PTPRR: variants seen among roughly 807,000 people sequenced by gnomAD.
PTPRR encodes the protein protein tyrosine phosphatase receptor type R, also known as receptor-type tyrosine-protein phosphatase R.
Under a neutral mutation model 77.2 loss-of-function variants are expected in PTPRR, and 38 were observed. That is an observed-to-expected ratio of 0.49 (90% confidence interval 0.38 to 0.65). The LOEUF is 0.65. PTPRR is among the 30% of genes least tolerant of loss of function. The pLI, the probability that PTPRR is intolerant of heterozygous loss-of-function variation, is 0.00. For synonymous variants in PTPRR, 299 were observed against 283.1 expected, an observed-to-expected ratio of 1.06 and a Z score of -0.57; for missense variants, 744 against 799.2, an observed-to-expected ratio of 0.93 and a Z score of 0.83.
chr12:70,639,351 C>T, intron 13 of PTPRR, 74 bp from the exon 14 acceptor site: 1 of 1,529,878 alleles, frequency 6.5e-7, no homozygotes, highest in East Asian at 2.3e-5. Context: ...AGATTTCATC[C>T]AAGCTAGGGT....
intron 8 of PTPRR, among the ~76,000 whole-genome samples, chr12:70,692,658 A>T (rs1166465186): frequency 6.6e-6 from 1 of 152,142 alleles, no homozygotes. Context: ...TGCAGATTTT[A>T]TGCTTTTGCA....
chr12:70,822,890 A>C (rs1892041427), intron 2 of PTPRR, among the ~76,000 whole-genome samples: 1 of 152,236 alleles, frequency 6.6e-6, no homozygotes, highest in South Asian at 2.1e-4. Context: ...TTAAGGTCAT[A>C]GGGCATAATC....
intron 2 of PTPRR, among the ~76,000 whole-genome samples, chr12:70,780,001 T>G: frequency 6.6e-6 from 1 of 152,082 alleles, no homozygotes; most frequent in Non-Finnish European, 1.5e-5. Flanking sequence ...AACTCACTTT[T>G]TTTTTTTTTA....
intron 1 of PTPRR, among the ~76,000 whole-genome samples, chr12:70,912,175 C>T (rs948432479): frequency 8.5e-5 from 13 of 152,220 alleles, no homozygotes; most frequent in African/African-American, 2.4e-4. Context: ...AACTAACTCA[C>T]TATGATATTA....
chr12:70,639,300 T>C, intron 13 of PTPRR, 23 bp from the exon 14 acceptor site: 6 of 1,607,440 alleles, frequency 3.7e-6, no homozygotes, highest in Non-Finnish European at 5.1e-6. Context: ...AATCATAAAA[T>C]AACTGATTTT....
chr12:70,847,117 C>T (rs1892498291), intron 2 of PTPRR, among the ~76,000 whole-genome samples: 1 of 152,176 alleles, frequency 6.6e-6, no homozygotes, highest in Non-Finnish European at 1.5e-5. Context: ...GACACGAGAA[C>T]TTGGATGTTA....
At chr12:70,642,381 C>A (rs2136638193) in intron 13 of PTPRR, among the ~76,000 whole-genome samples, 1 of 152,300 alleles carries the variant, frequency 6.6e-6, no homozygotes, top group East Asian at 1.9e-4. Context: ...TACTGGATCA[C>A]TATCTATCGT....
chr12:70,750,478 A>G (rs1890356154), intron 5 of PTPRR, among the ~76,000 whole-genome samples: 1 of 152,208 alleles, frequency 6.6e-6, no homozygotes, highest in African/African-American at 2.4e-5. Flanking sequence ...TACAAGTATC[A>G]CTGAGAAATG....
chr12:70,835,610 T>A (rs537290125), intron 2 of PTPRR, among the ~76,000 whole-genome samples: 1 of 152,174 alleles, frequency 6.6e-6, no homozygotes, highest in East Asian at 1.9e-4. Flanking sequence ...ATTGAGCACA[T>A]GGTAAAGAAA....
chr12:70,814,303 G>T (rs1891862037), intron 2 of PTPRR, among the ~76,000 whole-genome samples: 1 of 152,124 alleles, frequency 6.6e-6, no homozygotes, highest in African/African-American at 2.4e-5. Context: ...CTTAATTAAG[G>T]GGGAGGGCTT....
At chr12:70,909,144 A>G (rs1229017746) in intron 1 of PTPRR, among the ~76,000 whole-genome samples, 1 of 152,192 alleles carries the variant, frequency 6.6e-6, no homozygotes, top group African/African-American at 2.4e-5. Flanking sequence ...GGTATTGGGT[A>G]CCAGAGGCAC....
At chr12:70,885,872 T>C (rs1479073314) in intron 2 of PTPRR, among the ~76,000 whole-genome samples, 1 of 152,138 alleles carries the variant, frequency 6.6e-6, no homozygotes, top group Non-Finnish European at 1.5e-5. Flanking sequence ...TTATCTAAAC[T>C]TTCTAAATAT....
At chr12:70,773,466 A>G (rs189157715) in intron 2 of PTPRR, among the ~76,000 whole-genome samples, 9 of 152,282 alleles carry the variant, frequency 5.9e-5, no homozygotes, top group Non-Finnish European at 1.0e-4. Context: ...AGGAAGTTCA[A>G]CTGGTTCCCT....
chr12:70,905,519 A>T (rs1014486838), intron 1 of PTPRR, among the ~76,000 whole-genome samples: 2 of 152,014 alleles, frequency 1.3e-5, no homozygotes, highest in Non-Finnish European at 2.9e-5. Context: ...CAACATTTAC[A>T]TGAAAATAAC....
At chr12:70,707,163 A>C (rs1201333023) in intron 6 of PTPRR, among the ~76,000 whole-genome samples, 1 of 152,124 alleles carries the variant, frequency 6.6e-6, no homozygotes, top group African/African-American at 2.4e-5. Context: ...AGTCCTTAAC[A>C]TTTATACCTA....
intron 2 of PTPRR, among the ~76,000 whole-genome samples, chr12:70,836,873 G>T (rs1892313069): frequency 6.6e-6 from 1 of 151,968 alleles, no homozygotes; most frequent in Non-Finnish European, 1.5e-5. Context: ...TGGTCTCAAT[G>T]ACAGTATGTG....
At chr12:70,762,256 A>G (rs1890708702) in intron 3 of PTPRR, among the ~76,000 whole-genome samples, 1 of 152,068 alleles carries the variant, frequency 6.6e-6, no homozygotes, top group African/African-American at 2.4e-5. Flanking sequence ...GGAGTCAGAG[A>G]ATTTCTTACC....
chr12:70,698,285 C>T lies in PTPRR; in HGVS notation c.1259G>A (p.Arg420His), dbSNP rs752997522. 2 of 1,612,798 alleles carry T rather than the reference C, an allele frequency of 1.2e-6. No individual in the cohort carries two copies. The highest frequency in any genetic ancestry group is 1.7e-6 in the Non-Finnish European group (2 of 1,179,266). ...IDIPRHGTKNRYKTILPNPLS... is the reference protein window; with the variant it reads ...IDIPRHGTKNHYKTILPNPLS... ...CTTACTTGGTAAAATGGTCTTATAG[C>T]GATTTTTAGTTCCATGACGCGGAAT... The change falls in exon 8 of 14, where the codon CGC (arginine) becomes CAC (histidine). Residue 420 changes from arginine to histidine, a missense_variant. Around this residue, in one of 3 missense-constraint regions of PTPRR, gnomAD observed 570 missense variants for 573.2 expected, o/e 0.99. Transcript: ENST00000283228.
chr12:70,849,009 A>G (rs1394480615), intron 2 of PTPRR, among the ~76,000 whole-genome samples: 4 of 152,192 alleles, frequency 2.6e-5, no homozygotes, highest in Non-Finnish European at 4.4e-5. Context: ...CACATCCCCA[A>G]TCACCATTTA....
Sources: gnomAD v4.1 joint callset for allele counts (sites outside exome capture counted in the v4.1 genomes callset) on GRCh38, gnomAD v4.1.1 for gene constraint, gnomAD v4.1.1 regional missense constraint, MANE v1.5 for transcripts, NCBI Gene and HGNC (gene_info 2026-07-23, HGNC 2026-07-21) for gene names.